IPPK: variants seen among roughly 807,000 people sequenced by gnomAD.
IPPK encodes the protein inositol-pentakisphosphate 2-kinase.
A neutral mutation model predicts 64.6 loss-of-function variants in IPPK; 22 were observed. The ratio of observed to expected loss-of-function variants is 0.34; its 90% CI spans 0.24 to 0.49. The LOEUF (loss-of-function observed/expected upper bound fraction) is 0.49, where lower values mean the gene tolerates loss of function less well. Among genes scored for constraint, IPPK ranks in the 20% least tolerant of loss-of-function variants. The pLI is 0.99. For synonymous variants in IPPK, 262 were observed against 247.2 expected (o/e 1.06, Z -0.56); for missense variants, 532 against 630.7 (o/e 0.84, Z 1.68).
At position 92,618,556 on chromosome 9, in the gene IPPK, G is replaced by A. The variant is rs543596354; in HGVS notation, c.1250+930C>T. 7.4e-4 allele frequency: 337 copies of A among 456,674 alleles called. 5 individuals are homozygous for A. Among genetic ancestry groups the A allele is most frequent in the South Asian group, 4.4e-3 (287 of 64,570 alleles). The allele number at this position is 456,674 out of a possible 1,614,324, so 28.3% of individuals were successfully genotyped here. ...GGGGCTGCTGAACAGTGGTATCTTC[G>A]TGGGTTTTCTCTCATCGAACACCAC... is the stretch of plus-strand genomic sequence containing the variant. On this transcript the variant is annotated intron_variant, in intron 12 of 12. Transcript: ENST00000287996.
chr9:92,619,648 G>T lies in IPPK; in HGVS notation c.1171-83C>A, dbSNP rs1485616653. 5 of 1,213,576 alleles carry T rather than the reference G, an allele frequency of 4.1e-6. No homozygotes were observed. The African/African-American group carries it at 6.0e-5, about 15-fold the overall frequency. 75.2% of individuals were successfully genotyped at this position (1,213,576 alleles called of 1,614,324 possible). ...CAACCTTCCTTCCCAGTAGCCAAGT[G>T]TGGGAACTGCTTCCTGCCTCAGAAC... On this transcript the variant is annotated intron_variant, in intron 11 of 12. Transcript: ENST00000287996.
chr9:92,646,360 C>T (rs1204361466), intron 6 of IPPK, among the ~76,000 whole-genome samples: 4 of 152,218 alleles, frequency 2.6e-5, no homozygotes, highest in Non-Finnish European at 4.4e-5. Context: ...GAGGAAGAAC[C>T]TTATGTTAAA....
chr9:92,625,042 T>C (rs1296825072), intron 11 of IPPK, among the ~76,000 whole-genome samples: 1 of 152,118 alleles, frequency 6.6e-6, no homozygotes, highest in African/African-American at 2.4e-5. Context: ...AAAGGTCTGG[T>C]TGGATGGGAC....
At chr9:92,628,866 T>C (rs1276845719) in intron 11 of IPPK, among the ~76,000 whole-genome samples, 1 of 150,832 alleles carries the variant, frequency 6.6e-6, no homozygotes, top group Non-Finnish European at 1.5e-5. Flanking sequence ...GGTGACAGAG[T>C]GAGACTCTGT....
intron 1 of IPPK, among the ~76,000 whole-genome samples, chr9:92,661,525 C>T (rs1343890690): frequency 1.3e-5 from 2 of 152,178 alleles, no homozygotes; most frequent in Admixed American, 1.3e-4. Context: ...CAGCCCCTTC[C>T]TCACATTTCC....
chr9:92,636,511 C>T (rs749884126), intron 9 of IPPK, among the ~76,000 whole-genome samples: 16 of 152,000 alleles, frequency 1.1e-4, no homozygotes, highest in Non-Finnish European at 1.9e-4. Flanking sequence ...CGTGGTAGTG[C>T]GTGTCGGTAG....
At position 92,665,506 on chromosome 9, in the gene IPPK, A is replaced by C. The variant is rs569022196; in HGVS notation, c.81+4402T>G. Among the ~76,000 whole-genome samples the C allele has an allele frequency of 2.6e-5, 4 of 151,524 alleles. No homozygotes were observed. In the South Asian group the frequency reaches 8.3e-4, roughly 31 times the overall value. On this transcript the variant is annotated intron_variant, in intron 1 of 12. Coordinates refer to ENST00000287996, the MANE Select transcript of IPPK (RefSeq NM_022755.6). ...ACTAGAACAGAAATTAGTAAATCAA[A>C]GAGTATAAACTTTTTAAAAATTAAT...
rs1358958753 is a variant in IPPK, at chr9:92,615,985, G to A, written c.1323C>T (p.Asp441=). The A allele has an allele frequency of 6.8e-6, 11 of 1,614,022 alleles. No individual in the cohort carries two copies. The highest frequency in any genetic ancestry group is 8.5e-6 in the Non-Finnish European group (10 of 1,180,030). Residue 441 remains aspartate, a synonymous_variant, in exon 13 of 13, where the codon GAC becomes GAT. Transcript: ENST00000287996. ...FAFSVSVLDL[D]LKPYESIPHQ... ...GGGGAATGCTCTCGTAGGGCTTGAG[G>A]TCAAGGTCCAGCACAGACACGGAAA...
At position 92,635,415 on chromosome 9, in the gene IPPK, G is replaced by A. The variant is rs1418409794; in HGVS notation, c.917-107C>T. The A allele has an allele frequency of 8.3e-6, 10 of 1,211,154 alleles. No homozygotes were observed. The highest frequency in any genetic ancestry group is 5.0e-5 in the East Asian group (2 of 40,270). 75.0% of individuals were successfully genotyped at this position (1,211,154 alleles called of 1,614,324 possible). On this transcript the variant is annotated intron_variant, in intron 9 of 12. Transcript: ENST00000287996. The surrounding 1 kb of genome is among the most constrained non-coding windows in gnomAD (Gnocchi z 4.4). ...GGGCTCATCCTGGGCTCCGCCATAC[G>A]GGCATCACCACAGGCAAGGACTGCA...
chr9:92,626,253 T>C (rs1851731548), intron 11 of IPPK, among the ~76,000 whole-genome samples: 1 of 151,878 alleles, frequency 6.6e-6, no homozygotes, highest in Admixed American at 6.6e-5. Context: ...AAAAATTAGC[T>C]GGGCGTGGTG....
rs1369384798 is a variant in IPPK at position 92,648,171 on chromosome 9, G to A, written c.415-23C>T. 1.9e-6 allele frequency: 3 copies of A among 1,555,856 alleles called. No homozygotes were observed. In the South Asian group the frequency reaches 3.4e-5, roughly 18 times the overall value. ...TGGCTGTAAAATAAACAAATAAGGAGGAAAAATATTTAGGAAGAAATCACA... is the reference window on the plus strand; with the variant it reads ...TGGCTGTAAAATAAACAAATAAGGAAGAAAAATATTTAGGAAGAAATCACA... On this transcript the variant is annotated intron_variant, in intron 5 of 12. Transcript: ENST00000287996.
rs1222295815 is a variant in IPPK at position 92,656,527 on chromosome 9, G to C, written c.154C>G (p.Leu52Val). Residue 52 changes from leucine (L) to valine (V), a missense_variant, in exon 3 of 13, where the codon CTG becomes GTG. Physicochemically the swap from Leu to Val is conservative, Grantham distance 32. Transcript: ENST00000287996. ...TTCCCAAAGTCCACTATGTTCTGCA[G>C]GTGTTGAAATATCTCTTCCGAGGTC... ...KKTSEEIFQH[L>V]QNIVDFGKNV... 1.2e-6 allele frequency: 2 copies of C among 1,613,168 alleles called. No homozygotes were observed. Among genetic ancestry groups the C allele is most frequent in the South Asian group, 2.2e-5 (2 of 91,066 alleles).
rs1045703518 is a variant in IPPK, at chr9:92,613,435, G to T, written c.*2397C>A. ...TGTGTGTCCTCAGATGTGTGGGGAG[G>T]ATCCATCCCCCACCCACTGCAGCCT... is the stretch of plus-strand genomic sequence containing the variant. On this transcript the variant is annotated 3_prime_UTR_variant, in exon 13 of 13. Coordinates refer to ENST00000287996, the MANE Select transcript of IPPK (RefSeq NM_022755.6). 1.2e-5 allele frequency: 4 copies of T among 337,570 alleles called. No homozygotes were observed. Among genetic ancestry groups the T allele is most frequent in the Non-Finnish European group, 2.3e-5 (4 of 175,728 alleles). 20.9% of individuals were successfully genotyped at this position (337,570 alleles called of 1,614,324 possible).
intron 12 of IPPK, chr9:92,616,980 C>T (rs556264252): frequency 1.3e-5 from 2 of 152,242 alleles, no homozygotes; most frequent in Admixed American, 6.5e-5. Flanking sequence ...CTGATCAGCA[C>T]GTCCCTGCTC....
intron 3 of IPPK, among the ~76,000 whole-genome samples, chr9:92,652,945 G>A (rs567444666): frequency 6.6e-5 from 10 of 152,204 alleles, no homozygotes; most frequent in South Asian, 6.2e-4. Flanking sequence ...AGCTTCTCTC[G>A]CCACAAAGCA....
intron 2 of IPPK, 32 bp downstream of exon 2, chr9:92,658,602 T>G: frequency 6.4e-7 from 1 of 1,567,130 alleles, no homozygotes; most frequent in Non-Finnish European, 8.8e-7. Context: ...AAATAATTGT[T>G]GTAAGTCTGG....
chr9:92,658,600 G>C, intron 2 of IPPK, 34 bp downstream of exon 2: 1 of 1,551,542 alleles, frequency 6.4e-7, no homozygotes, highest in South Asian at 1.1e-5. Context: ...TTAAATAATT[G>C]TTGTAAGTCT....
At chr9:92,618,183 G>A (rs537604390) in intron 12 of IPPK, 3 of 455,362 alleles carry the variant, frequency 6.6e-6, no homozygotes, top group African/African-American at 6.0e-5. Context: ...AGCCTTCTCT[G>A]AGATCCTCTC....
chr9:92,644,219 A>G (rs1424267218), intron 6 of IPPK, among the ~76,000 whole-genome samples: 4 of 152,370 alleles, frequency 2.6e-5, no homozygotes, highest in African/African-American at 9.6e-5. Context: ...TGAACTCTGG[A>G]AATTGACCAT....
Sources: allele counts gnomAD v4.1 joint callset (sites outside exome capture counted in the v4.1 genomes callset), GRCh38; gene constraint gnomAD v4.1.1; non-coding constraint Gnocchi (gnomAD v3.1); transcripts MANE v1.5; gene names NCBI Gene and HGNC (gene_info 2026-07-23, HGNC 2026-07-21).